PCSK2: variants seen among roughly 807,000 people sequenced by gnomAD.
PCSK2 encodes the protein proprotein convertase subtilisin/kexin type 2, also known as neuroendocrine convertase 2.
PCSK2 carries 14 observed loss-of-function variants against 69.7 expected under a neutral mutation model. The ratio of observed to expected loss-of-function variants is 0.20; its 90% CI spans 0.13 to 0.31. The LOEUF is 0.31. PCSK2 is among the 10% of genes least tolerant of loss of function. The pLI is 1.00. For missense variants in PCSK2, 544 were observed against 842.5 expected (o/e 0.65, Z 4.39); for synonymous variants, 307 against 320.7 (o/e 0.96, Z 0.46).
chr20:17,400,885 A>G (rs2031621736), intron 5 of PCSK2, among the ~76,000 whole-genome samples: 1 of 152,192 alleles, frequency 6.6e-6, no homozygotes, highest in South Asian at 2.1e-4. Context: ...ATATGGGTGC[A>G]CCAGAATTTC....
intron 2 of PCSK2, among the ~76,000 whole-genome samples, chr20:17,356,966 G>T (rs2030222980): frequency 6.6e-6 from 1 of 152,166 alleles, no homozygotes; most frequent in Non-Finnish European, 1.5e-5. Context: ...GAACCTGATG[G>T]ATTGGAAGTA....
intron 2 of PCSK2, among the ~76,000 whole-genome samples, chr20:17,348,090 A>T (rs8121243): frequency 0.28 from 39,970 of 142,418 alleles, 5,923 homozygotes; most frequent in East Asian, 0.53. Flanking sequence ...AAAGAAAGAA[A>T]GAAAGAAAGA....
chr20:17,371,165 G>A (rs1393153433), intron 5 of PCSK2, among the ~76,000 whole-genome samples: 2 of 152,208 alleles, frequency 1.3e-5, no homozygotes, highest in East Asian at 3.9e-4. Flanking sequence ...CACATGGCCT[G>A]TCTCCTGTGC....
At chr20:17,467,460 G>GC in intron 11 of PCSK2, among the ~76,000 whole-genome samples, 1 of 152,342 alleles carries the variant, frequency 6.6e-6, no homozygotes, top group Non-Finnish European at 1.5e-5. Context: ...TTTCAGAGCA[G>GC]CAGTGATGAC....
chr20:17,259,057 T>C (rs1987281142), intron 1 of PCSK2, among the ~76,000 whole-genome samples: 1 of 151,806 alleles, frequency 6.6e-6, no homozygotes, highest in South Asian at 2.1e-4. Context: ...CACACTGAGG[T>C]TCTATGTGAT....
intron 5 of PCSK2, among the ~76,000 whole-genome samples, chr20:17,388,404 G>A (rs556169483): frequency 6.6e-6 from 1 of 152,252 alleles, no homozygotes; most frequent in East Asian, 1.9e-4. Context: ...ATTTGCCAAA[G>A]AGCTGTTATG....
intron 1 of PCSK2, among the ~76,000 whole-genome samples, chr20:17,253,722 C>T (rs932133641): frequency 6.6e-5 from 10 of 152,090 alleles, no homozygotes; most frequent in Non-Finnish European, 1.3e-4. Context: ...TATATGCACC[C>T]GTACATGGAA....
At chr20:17,370,941 T>C (rs1321019596) in intron 5 of PCSK2, among the ~76,000 whole-genome samples, 2 of 152,168 alleles carry the variant, frequency 1.3e-5, no homozygotes, top group African/African-American at 2.4e-5. Flanking sequence ...CCAGGGTCGG[T>C]GGTCCTCCCT....
chr20:17,256,005 C>T (rs891154637), intron 1 of PCSK2, among the ~76,000 whole-genome samples: 2 of 152,064 alleles, frequency 1.3e-5, no homozygotes, highest in Non-Finnish European at 2.9e-5. Context: ...CTTCCTCTTC[C>T]ATTTTTTGGA....
At chr20:17,297,328 C>T (rs970789181) in intron 2 of PCSK2, among the ~76,000 whole-genome samples, 1 of 152,134 alleles carries the variant, frequency 6.6e-6, no homozygotes, top group African/African-American at 2.4e-5. Context: ...GTGAGAAGAT[C>T]TGGGATTTGG....
intron 2 of PCSK2, among the ~76,000 whole-genome samples, chr20:17,309,912 A>AGGGAAG (rs1286996223): frequency 6.8e-6 from 1 of 147,692 alleles, no homozygotes; most frequent in Non-Finnish European, 1.5e-5. Context: ...AGAAGAAGAA[A>AGGGAAG]GGGAAGGGGA....
chr20:17,268,636 G>A lies in PCSK2; in HGVS notation c.282+8292G>A, dbSNP rs928876050. Among the ~76,000 whole-genome samples the A allele has an allele frequency of 3.9e-5, 6 of 152,296 alleles. 1 individual carries two copies. The East Asian group carries it at 7.7e-4, about 20-fold the overall frequency. On this transcript the variant is annotated intron_variant, in intron 2 of 11. Coordinates refer to ENST00000262545, the MANE Select transcript of PCSK2 (RefSeq NM_002594.5). ...AGCCAAGGACAGTGGGGAAGGAGATGAGGTTAGAGAGGAAAAATAAAGCAA... is the reference window on the plus strand; with the variant it reads ...AGCCAAGGACAGTGGGGAAGGAGATAAGGTTAGAGAGGAAAAATAAAGCAA...
rs1300293548 is a variant in PCSK2 at position 17,429,169 on chromosome 20, T to C, written c.621-266T>C. Among the ~76,000 whole-genome samples the C allele has an allele frequency of 2.6e-5, 4 of 152,174 alleles. No individual in the cohort carries two copies. The East Asian group carries it at 7.7e-4, about 29-fold the overall frequency. On this transcript the variant is annotated intron_variant, in intron 6 of 11. Transcript: ENST00000262545. The stretch of plus-strand genomic sequence containing the variant: ...CCTTCTCAGTGATTCAGCTTATACT[T>C]GTTTTATTTCTCTATTGCGGCTTTA...
At chr20:17,421,803 G>T (rs2032131970) in intron 6 of PCSK2, among the ~76,000 whole-genome samples, 2 of 66,162 alleles carry the variant, frequency 3.0e-5, no homozygotes, top group Non-Finnish European at 5.1e-5. Flanking sequence ...GAAAGGAAGA[G>T]AGGTAAAAAA....
chr20:17,227,595 A>G (rs955235414), intron 1 of PCSK2, 113 bp downstream of exon 1: 1 of 736,710 alleles, frequency 1.4e-6, no homozygotes, highest in East Asian at 2.7e-5. Context: ...TGCGATGCAG[A>G]TATTCTGCCA....
intron 1 of PCSK2, among the ~76,000 whole-genome samples, chr20:17,254,251 A>G (rs908365671): frequency 1.3e-5 from 2 of 152,292 alleles, no homozygotes; most frequent in African/African-American, 2.4e-5. Flanking sequence ...TTGGTGTTGT[A>G]TCTAAGAAAA....
At chr20:17,281,508 C>CA (rs1394815438) in intron 2 of PCSK2, among the ~76,000 whole-genome samples, 1 of 152,210 alleles carries the variant, frequency 6.6e-6, no homozygotes, top group Non-Finnish European at 1.5e-5. Flanking sequence ...AAGGACCTTT[C>CA]ACTCAGCTAT....
intron 5 of PCSK2, among the ~76,000 whole-genome samples, chr20:17,377,732 G>A (rs2030967824): frequency 6.6e-6 from 1 of 152,196 alleles, no homozygotes; most frequent in African/African-American, 2.4e-5. Flanking sequence ...TGAGAATGGG[G>A]ACTTTTTAAA....
chr20:17,316,140 A>G (rs559723488), intron 2 of PCSK2, among the ~76,000 whole-genome samples: 4 of 152,206 alleles, frequency 2.6e-5, no homozygotes, highest in Non-Finnish European at 5.9e-5. Flanking sequence ...GCTCAGGCAT[A>G]GAAGGCACTG....
Sources: allele counts gnomAD v4.1 joint callset (sites outside exome capture counted in the v4.1 genomes callset), GRCh38; gene constraint gnomAD v4.1.1; transcripts MANE v1.5; gene names NCBI Gene and HGNC (gene_info 2026-07-23, HGNC 2026-07-21).